CD8A: variants seen among roughly 807,000 people sequenced by gnomAD.
CD8A encodes the protein CD8 subunit alpha.
CD8A carries 25 observed loss-of-function variants against 24.2 expected under a neutral mutation model. The observed-to-expected ratio is 1.03, with a 90% CI of 0.75 to 1.44. The LOEUF (loss-of-function observed/expected upper bound fraction) is 1.44. CD8A is among the 40% of genes most tolerant of loss of function. The pLI is 0.00. For missense variants in CD8A, 360 were observed against 319.7 expected, an observed-to-expected ratio of 1.13 and a Z score of -0.96; for synonymous variants, 165 against 149.9, an observed-to-expected ratio of 1.10 and a Z score of -0.74.
At chr2:86,807,233 G>T (rs1481781759) in intron 2 of CD8A, among the ~76,000 whole-genome samples, 1 of 152,150 alleles carries the variant, frequency 6.6e-6, no homozygotes, top group Non-Finnish European at 1.5e-5. Flanking sequence ...GAGGTGGGGG[G>T]ATCGCTTGAG....
chr2:86,785,836 G>C lies in CD8A; in HGVS notation c.*84C>G, dbSNP rs745892922. The C allele has an allele frequency of 2.1e-6, 2 of 971,828 alleles. No individual in the cohort carries two copies. Among genetic ancestry groups the C allele is most frequent in the African/African-American group, 3.2e-5 (2 of 62,754 alleles). 60.2% of individuals were successfully genotyped at this position (971,828 alleles called of 1,614,324 possible). On this transcript the variant is annotated 3_prime_UTR_variant, in exon 6 of 6. Transcript: ENST00000283635. The stretch of plus-strand genomic sequence containing the variant: ...ATGAGAATGAATACACAGGGAGGAA[G>C]ACTGGAAAAAATGAAAGGGAAGGAC...
exon 2 of CD8A, chr2:86,807,756 G>T (rs1416196001): frequency 6.6e-6 from 1 of 152,576 alleles, no homozygotes; most frequent in Non-Finnish European, 1.5e-5. Context: ...CCACCAAGGC[G>T]ACGAGAGCCG....
chr2:86,796,899 T>A (rs1332819605), intron 3 of CD8A, among the ~76,000 whole-genome samples: 2 of 152,166 alleles, frequency 1.3e-5, no homozygotes, highest in Admixed American at 1.3e-4. Context: ...CCCAACTTCC[T>A]GTTTTCCCAC....
intron 4 of CD8A, among the ~76,000 whole-genome samples, chr2:86,789,044 A>G (rs1350875821): frequency 1.3e-5 from 2 of 152,072 alleles, no homozygotes; most frequent in Admixed American, 1.3e-4. Flanking sequence ...GTGTCCAGAC[A>G]TGTGCGCGCG....
intron 3 of CD8A, among the ~76,000 whole-genome samples, chr2:86,799,939 C>CT (rs35272576): frequency 0.014 from 1,945 of 141,090 alleles, 19 homozygotes; most frequent in African/African-American, 0.027. Flanking sequence ...AATCAGAATT[C>CT]TTTTTTTTTT....
At chr2:86,786,890 G>A (rs913044979) in intron 5 of CD8A, among the ~76,000 whole-genome samples, 3 of 151,044 alleles carry the variant, frequency 2.0e-5, no homozygotes, top group African/African-American at 7.3e-5. Context: ...TGTTGTGGCG[G>A]GTGCCTGTAG....
In CD8A at chr2:86,790,858, GCT is replaced by G. The variant is rs555064884; in HGVS notation, c.-35_-34del. 866 of 1,536,144 alleles carry G rather than the reference GCT, an allele frequency of 5.6e-4. 4 individuals carry two copies. The African/African-American group carries it at 9.8e-3, about 17-fold the overall frequency. ...TCCCCAGGACGCTGCTTGGCTCGAA[GCT>G]CGGGCGCGAGGGGAGGCGCGCGGGA... On this transcript the variant is annotated 5_prime_UTR_variant, in exon 1 of 6. Transcript: ENST00000283635.
chr2:86,797,838 G>A (rs1237042543), intron 3 of CD8A, among the ~76,000 whole-genome samples: 6 of 151,984 alleles, frequency 3.9e-5, no homozygotes, highest in African/African-American at 7.3e-5. Context: ...CACCCCACCC[G>A]CCTTCTCATG....
Position 86,790,389 on chromosome 2 carries a change from G to A in CD8A, c.342C>T (p.Phe114=). ...DFRRENEGYY[F]CSALSNSIMY... is the part of the protein sequence containing the mutation. ...TGATGGAGTTGCTCAGGGCCGAGCAGAAATAGTAGCCCTCGTTCTCTCGGC... is the reference window on the plus strand; with the variant it reads ...TGATGGAGTTGCTCAGGGCCGAGCAAAAATAGTAGCCCTCGTTCTCTCGGC... The change falls in exon 2 of 6, where the codon TTC becomes TTT. Residue 114 remains phenylalanine, a synonymous_variant. Coordinates refer to ENST00000283635, the MANE Select transcript of CD8A (RefSeq NM_001768.7). The A allele has an allele frequency of 1.9e-6, 3 of 1,614,190 alleles. No individual in the cohort carries two copies. The highest frequency in any genetic ancestry group is 2.5e-6 in the Non-Finnish European group (3 of 1,180,034).
chr2:86,789,467 G>A (rs748850367), intron 3 of CD8A, 34 bp from the exon 4 acceptor site: 1 of 1,540,792 alleles, frequency 6.5e-7, no homozygotes, highest in Non-Finnish European at 9.0e-7. Context: ...ATTTAGGAGA[G>A]GGCCCGGGAC....
intron 2 of CD8A, among the ~76,000 whole-genome samples, chr2:86,802,089 G>A (rs973083211): frequency 2.0e-5 from 3 of 151,954 alleles, no homozygotes; most frequent in African/African-American, 7.3e-5. Context: ...CCAGGCTGGA[G>A]TGCAGTGGTG....
chr2:86,793,408 C>T (rs1305578571), upstream of CD8A, among the ~76,000 whole-genome samples: 1 of 151,990 alleles, frequency 6.6e-6, no homozygotes, highest in African/African-American at 2.4e-5. Flanking sequence ...ACTGGCCTAT[C>T]GATGTATGCA....
intron 2 of CD8A, among the ~76,000 whole-genome samples, chr2:86,807,265 G>C (rs1673940185): frequency 6.6e-6 from 1 of 152,148 alleles, no homozygotes; most frequent in South Asian, 2.1e-4. Context: ...AGGCTGTAGT[G>C]AGCCGTGATT....
chr2:86,795,678 T>C (rs1673458888), upstream of CD8A, among the ~76,000 whole-genome samples: 1 of 152,088 alleles, frequency 6.6e-6, no homozygotes, highest in Admixed American at 6.6e-5. Flanking sequence ...GTGCTTTGCC[T>C]ATAGAGGAAG....
chr2:86,805,350 T>A (rs932176144), intron 2 of CD8A, among the ~76,000 whole-genome samples: 1 of 152,222 alleles, frequency 6.6e-6, no homozygotes, highest in East Asian at 1.9e-4. Context: ...TTGAGGAGTA[T>A]GGCAACCTTG....
upstream of CD8A, among the ~76,000 whole-genome samples, chr2:86,792,805 CT>C (rs544347033): frequency 9.1e-3 from 1,220 of 134,122 alleles, 14 homozygotes; most frequent in South Asian, 0.066. Flanking sequence ...CCTGGATGGG[CT>C]TTTTTTTTTT....
upstream of CD8A, among the ~76,000 whole-genome samples, chr2:86,793,837 T>C (rs1476868316): frequency 6.6e-6 from 1 of 152,196 alleles, no homozygotes; most frequent in Non-Finnish European, 1.5e-5. Context: ...GGGGGCCTTC[T>C]AGCCCTGCAG....
intron 1 of CD8A, 41 bp from the exon 2 acceptor site, chr2:86,790,722 G>GCCCCCCCCCCCC: frequency 5.4e-6 from 8 of 1,487,862 alleles, no homozygotes; most frequent in East Asian, 2.5e-5. Flanking sequence ...GCAGTCCCGC[G>GCCCCCCCCCCCC]CCCCCCGCCC....
chr2:86,784,874 T>C lies in CD8A; in HGVS notation c.*1046A>G, dbSNP rs1482103326. 8.8e-6 allele frequency: 4 copies of C among 454,098 alleles called. No individual in the cohort carries two copies. The highest frequency in any genetic ancestry group is 2.3e-5 in the Admixed American group (1 of 42,570). 28.1% of individuals were successfully genotyped at this position (454,098 alleles called of 1,614,324 possible). ...CATACCTTAAGCAAGGAAGTGCATG[T>C]TTGGGACAGCAGTTTGGGCTCTCAG... is the stretch of plus-strand genomic sequence containing the variant. On this transcript the variant is annotated 3_prime_UTR_variant, in exon 6 of 6. Coordinates refer to ENST00000283635, the MANE Select transcript of CD8A (RefSeq NM_001768.7).
Sources: gnomAD v4.1 joint callset for allele counts (sites outside exome capture counted in the v4.1 genomes callset) on GRCh38, gnomAD v4.1.1 for gene constraint, MANE v1.5 for transcripts, NCBI Gene and HGNC (gene_info 2026-07-23, HGNC 2026-07-21) for gene names.